The following THSD7A variants were observed in gnomAD, a reference collection of about 807,000 sequenced individuals.
THSD7A encodes the protein thrombospondin type 1 domain containing 7A, also known as thrombospondin type-1 domain-containing protein 7A.
THSD7A carries 96 observed loss-of-function variants against 231.3 expected under a neutral mutation model. The ratio of observed to expected loss-of-function variants is 0.41; its 90% CI spans 0.35 to 0.49. The LOEUF (loss-of-function observed/expected upper bound fraction) is 0.49. Among genes scored for constraint, THSD7A ranks in the 20% least tolerant of loss-of-function variants. The probability of loss-of-function intolerance (pLI) is 0.05; values close to 1 mark genes in which losing one functional copy is unlikely to be tolerated. For synonymous variants in THSD7A, 940 were observed against 743.3 expected (o/e 1.26, Z -4.30); for missense variants, 2,290 against 2,070.2 (o/e 1.11, Z -2.06).
At chr7:11,442,022 A>G (rs973737448) in intron 13 of THSD7A, among the ~76,000 whole-genome samples, 3 of 152,096 alleles carry the variant, frequency 2.0e-5, no homozygotes, top group African/African-American at 7.2e-5. Context: ...AATTGTTGCT[A>G]TAGTGACACC....
At chr7:11,746,495 G>GT (rs1324244037) in intron 1 of THSD7A, among the ~76,000 whole-genome samples, 1 of 151,730 alleles carries the variant, frequency 6.6e-6, no homozygotes, top group African/African-American at 2.4e-5. Flanking sequence ...GACTTTCCTT[G>GT]TTTTTCATGA....
chr7:11,546,125 T>A lies in THSD7A; in HGVS notation c.1454-3008A>T, dbSNP rs182199582. Among the ~76,000 whole-genome samples, 666 of 151,804 alleles carry A rather than the reference T, an allele frequency of 4.4e-3. 3 individuals carry two copies. Among genetic ancestry groups the A allele is most frequent in the African/African-American group, 0.015 (640 of 41,430 alleles). On this transcript the variant is annotated intron_variant, in intron 4 of 27. Coordinates refer to ENST00000423059, the MANE Select transcript of THSD7A (RefSeq NM_015204.3). ...AGATGGACCCTCCCCAGCATGCTCC[T>A]GCCTGCAGCCTTCCCCAACCATTGT...
At chr7:11,503,698 A>G (rs1262416867) in intron 6 of THSD7A, among the ~76,000 whole-genome samples, 1 of 152,220 alleles carries the variant, frequency 6.6e-6, no homozygotes, top group African/African-American at 2.4e-5. Context: ...TCCAACAAGC[A>G]TATGCAAAAA....
At chr7:11,481,646 C>T in intron 7 of THSD7A, 142 bp downstream of exon 7, 1 of 793,394 alleles carries the variant, frequency 1.3e-6, no homozygotes, top group Non-Finnish European at 1.9e-6. Flanking sequence ...AATTGCTCAA[C>T]ACATCAACAG....
rs547255299 is a variant in THSD7A, at chr7:11,818,076, T to G, written c.190+13681A>C. 4.3e-4 allele frequency among the ~76,000 whole-genome samples: 66 copies of G among 152,306 alleles called. 1 individual carries two copies. The highest frequency in any genetic ancestry group is 2.5e-4 in the Non-Finnish European group (17 of 68,028). On this transcript the variant is annotated intron_variant, in intron 1 of 27. Transcript: ENST00000423059. ...GAAAATAAAAATGACTTTTAAATAGTGCAAATCAAATAGTCACCATTTGTG... is the reference window on the plus strand; with the variant it reads ...GAAAATAAAAATGACTTTTAAATAGGGCAAATCAAATAGTCACCATTTGTG...
chr7:11,408,193 A>G (rs1783652509), intron 19 of THSD7A, among the ~76,000 whole-genome samples: 1 of 152,188 alleles, frequency 6.6e-6, no homozygotes, highest in African/African-American at 2.4e-5. Context: ...TAAAATCTCT[A>G]TGGTACAAAG....
At chr7:11,791,228 G>A (rs1168507374) in intron 1 of THSD7A, among the ~76,000 whole-genome samples, 1 of 151,950 alleles carries the variant, frequency 6.6e-6, no homozygotes, top group Non-Finnish European at 1.5e-5. Context: ...CTAAAATCCT[G>A]AAGACAACAC....
chr7:11,518,216 C>T (rs545334759), intron 6 of THSD7A, among the ~76,000 whole-genome samples: 1 of 152,228 alleles, frequency 6.6e-6, no homozygotes, highest in East Asian at 1.9e-4. Context: ...GAGACACAGG[C>T]ATGTACACAA....
At chr7:11,617,178 G>A (rs1019677292) in intron 2 of THSD7A, among the ~76,000 whole-genome samples, 3 of 152,052 alleles carry the variant, frequency 2.0e-5, no homozygotes, top group South Asian at 2.1e-4. Flanking sequence ...TTGTTTTACC[G>A]GAACTATTAT....
intron 23 of THSD7A, among the ~76,000 whole-genome samples, chr7:11,394,419 G>C (rs1220007241): frequency 6.6e-6 from 1 of 152,122 alleles, no homozygotes; most frequent in Non-Finnish European, 1.5e-5. Context: ...CAGTCAGAGT[G>C]GTGGGAGAAA....
intron 1 of THSD7A, among the ~76,000 whole-genome samples, chr7:11,664,842 T>A (rs764734757): frequency 1.3e-5 from 2 of 152,014 alleles, no homozygotes; most frequent in Admixed American, 6.6e-5. Flanking sequence ...GAGCCTCTTA[T>A]CTCTGTCACA....
intron 1 of THSD7A, among the ~76,000 whole-genome samples, chr7:11,744,956 C>A (rs1010108933): frequency 3.3e-5 from 5 of 151,798 alleles, no homozygotes; most frequent in Non-Finnish European, 5.9e-5. Context: ...GGGTATATAC[C>A]CAGTAATGGG....
chr7:11,565,923 G>A (rs1188646004), intron 4 of THSD7A, among the ~76,000 whole-genome samples: 2 of 152,056 alleles, frequency 1.3e-5, no homozygotes, highest in African/African-American at 2.4e-5. Flanking sequence ...AAACTGCTGG[G>A]TTTGACATTT....
intron 1 of THSD7A, among the ~76,000 whole-genome samples, chr7:11,646,809 C>T (rs190297355): frequency 5.6e-4 from 85 of 152,090 alleles, no homozygotes; most frequent in African/African-American, 2.0e-3. Flanking sequence ...TCCTGGATTA[C>T]CCCAAAAGTA....
intron 27 of THSD7A, 26 bp downstream of exon 27, chr7:11,376,544 G>A (rs1052014495): frequency 7.3e-6 from 11 of 1,510,976 alleles, no homozygotes; most frequent in Middle Eastern, 1.7e-4. Context: ...GTATCTCTTT[G>A]GATTTTTAAT....
At position 11,789,350 on chromosome 7, in the gene THSD7A, T is replaced by C. The variant is rs1325677148; in HGVS notation, c.190+42407A>G. On this transcript the variant is annotated intron_variant, in intron 1 of 27. Transcript: ENST00000423059. ...GAGAAATGAAAGCCATCAGAATATT[T>C]TAAGAAAGGGCGTGGCATGATCATA... Among the ~76,000 whole-genome samples, 3 of 152,024 alleles carry C rather than the reference T, an allele frequency of 2.0e-5. No homozygotes were observed. The East Asian group carries it at 5.8e-4, about 29-fold the overall frequency.
Position 11,636,895 on chromosome 7 carries a change from C to G in THSD7A, c.257G>C (p.Cys86Ser), listed in dbSNP as rs1270820884. The G allele has an allele frequency of 6.2e-7, 1 of 1,613,692 alleles. No homozygotes were observed. Among genetic ancestry groups the G allele is most frequent in the East Asian group, 2.2e-5 (1 of 44,866 alleles). The part of the protein sequence containing the change: ...PGGIQTRAVW[C>S]AHVEGWTTLH... ...TGTAGTCCATCCCTCCACATGAGCA[C>G]ACCACACAGCCCTCGTTTGGATGCC... Residue 86 changes from cysteine to serine, a missense_variant, in exon 2 of 28, where the codon TGT becomes TCT. Transcript: ENST00000423059. This position sits in a 1 kb window ranked among gnomAD's most constrained non-coding sequence, Gnocchi z 10.0.
chr7:11,445,936 G>T (rs1784954993), intron 13 of THSD7A, 125 bp downstream of exon 13: 2 of 1,155,590 alleles, frequency 1.7e-6, no homozygotes, highest in Admixed American at 1.9e-5. Flanking sequence ...GTATAGTGTG[G>T]TGCTTCAGAG....
chr7:11,564,090 G>A (rs1790195662), intron 4 of THSD7A, among the ~76,000 whole-genome samples: 2 of 152,048 alleles, frequency 1.3e-5, no homozygotes, highest in African/African-American at 4.8e-5. Context: ...GTCTATTTTG[G>A]TTTACAATCG....
Sources: allele counts gnomAD v4.1 joint callset (sites outside exome capture counted in the v4.1 genomes callset), GRCh38; gene constraint gnomAD v4.1.1; non-coding constraint Gnocchi (gnomAD v3.1); transcripts MANE v1.5; gene names NCBI Gene and HGNC (gene_info 2026-07-23, HGNC 2026-07-21).